The following TEX14 variants were observed in gnomAD, a reference collection of about 807,000 sequenced individuals.
The protein encoded by TEX14 is inactive serine/threonine-protein kinase TEX14.
A neutral mutation model predicts 178.6 loss-of-function variants in TEX14; 168 were observed. That is an observed-to-expected ratio of 0.94 (90% CI 0.83 to 1.07). The LOEUF is 1.07. Ranked by LOEUF, TEX14 falls within the 50% of genes least tolerant of loss-of-function variation. The probability of loss-of-function intolerance (pLI) is 0.00; values close to 1 mark genes in which losing one functional copy is unlikely to be tolerated. For missense variants in TEX14, 1,730 were observed against 1,753.6 expected (o/e 0.99, Z 0.24); for synonymous variants, 626 against 634.1 (o/e 0.99, Z 0.19).
chr17:58,601,454 G>A (rs143617271), intron 13 of TEX14, among the ~76,000 whole-genome samples: 3,357 of 151,478 alleles, frequency 0.022, 49 homozygotes, highest in South Asian at 0.036. Flanking sequence ...CCCGGGAGGC[G>A]GAGGTTGCAA....
chr17:58,659,273 A>C (rs2047053535), intron 1 of TEX14: 2 of 881,002 alleles, frequency 2.3e-6, no homozygotes, highest in Non-Finnish European at 2.7e-6. Flanking sequence ...CTTTATCAGG[A>C]CCAACAGCGT....
intron 28 of TEX14, among the ~76,000 whole-genome samples, chr17:58,562,391 C>T (rs2044290177): frequency 6.6e-6 from 1 of 152,220 alleles, no homozygotes; most frequent in African/African-American, 2.4e-5. Flanking sequence ...ATTCACAGCA[C>T]TGAGATGACT....
chr17:58,688,148 T>C (rs2047632550), intron 1 of TEX14, among the ~76,000 whole-genome samples: 1 of 152,162 alleles, frequency 6.6e-6, no homozygotes, highest in Non-Finnish European at 1.5e-5. Context: ...GAGACTGAGT[T>C]TTCCTCTTGT....
In TEX14 at chr17:58,569,294, T is replaced by G; in HGVS notation, c.3818-34A>C. On this transcript the variant is annotated intron_variant, in intron 25 of 31. Coordinates refer to ENST00000349033, the MANE Select transcript of TEX14 (RefSeq NM_031272.5). The surrounding 1 kb of genome is among the most constrained non-coding windows in gnomAD (Gnocchi z 4.1). Reference sequence around the variant, plus strand: ...TAAAAAAGACAAAAGGGAAAATGTCTTAACACCCTCCTGGACCTGAACTGA... The same window carrying G: ...TAAAAAAGACAAAAGGGAAAATGTCGTAACACCCTCCTGGACCTGAACTGA... 6.4e-7 allele frequency: 1 copy of G among 1,569,554 alleles called. No homozygotes were observed. The highest frequency in any genetic ancestry group is 8.8e-7 in the Non-Finnish European group (1 of 1,139,934).
intron 1 of TEX14, among the ~76,000 whole-genome samples, chr17:58,658,041 CACAAGAAG>C (rs1381488761): frequency 2.0e-5 from 3 of 152,178 alleles, no homozygotes; most frequent in Non-Finnish European, 4.4e-5. Flanking sequence ...ACTGACTCAG[CACAAGAAG>C]ACAGCTTTGA....
chr17:58,565,782 T>C lies in TEX14; in HGVS notation c.3929A>G (p.Glu1310Gly), dbSNP rs1308394016. The stretch of plus-strand genomic sequence containing the variant: ...GCCTCCTCCATCACTTGCTGTGTTC[T>C]CATGCAACACCGTGGATGAGCCCTG... Reference protein sequence around the residue: ...QQQGSSTVLHENTASDGGGTA... With the variant: ...QQQGSSTVLHGNTASDGGGTA... The change falls in exon 27 of 32, where the codon GAG becomes GGG. Residue 1310 changes from glutamate (E) to glycine (G), a missense_variant. This residue lies in a region of TEX14 where 941 missense variants were observed against 1,072.4 expected (regional missense o/e 0.88). Coordinates refer to ENST00000349033, the MANE Select transcript of TEX14 (RefSeq NM_031272.5). 1 of 1,610,450 alleles carries C rather than the reference T, an allele frequency of 6.2e-7. No individual in the cohort carries two copies. Among genetic ancestry groups the C allele is most frequent in the South Asian group, 1.1e-5 (1 of 89,810 alleles).
At chr17:58,662,390 T>C (rs1277347452) in intron 1 of TEX14, among the ~76,000 whole-genome samples, 1 of 148,982 alleles carries the variant, frequency 6.7e-6, no homozygotes, top group Non-Finnish European at 1.5e-5. Flanking sequence ...ATATTATGTG[T>C]GTACAGATAT....
intron 3 of TEX14, among the ~76,000 whole-genome samples, chr17:58,629,456 GAAAAAAAA>G (rs969535540): frequency 1.3e-5 from 1 of 79,790 alleles, no homozygotes; most frequent in Non-Finnish European, 2.6e-5. Context: ...CATGTGTCAG[GAAAAAAAA>G]AAAAAAAAAA....
intron 13 of TEX14, among the ~76,000 whole-genome samples, chr17:58,600,777 T>C (rs888129698): frequency 1.3e-5 from 2 of 151,938 alleles, no homozygotes; most frequent in African/African-American, 4.8e-5. Flanking sequence ...GAGTGAATGG[T>C]CATTTGGCTG....
intron 21 of TEX14, 44 bp downstream of exon 21, chr17:58,577,331 G>T: frequency 1.3e-6 from 1 of 767,258 alleles, no homozygotes. Flanking sequence ...ATTTAACATT[G>T]CATCTATGAG....
chr17:58,621,635 C>A lies in TEX14; in HGVS notation c.554+15G>T. 6.2e-7 allele frequency: 1 copy of A among 1,607,144 alleles called. No individual in the cohort carries two copies. Among genetic ancestry groups the A allele is most frequent in the South Asian group, 1.1e-5 (1 of 90,296 alleles). Reference sequence around the variant, plus strand: ...GTGATGGAGACTATCCCACTCTGCTCAAGGCAGTACTCACCCCTGCACGAG... The same window carrying A: ...GTGATGGAGACTATCCCACTCTGCTAAAGGCAGTACTCACCCCTGCACGAG... On this transcript the variant is annotated intron_variant, in intron 5 of 31. Coordinates refer to ENST00000349033, the MANE Select transcript of TEX14 (RefSeq NM_031272.5).
chr17:58,578,147 C>CAGGT (rs2044724366), intron 20 of TEX14, among the ~76,000 whole-genome samples: 1 of 152,080 alleles, frequency 6.6e-6, no homozygotes, highest in South Asian at 2.1e-4. Flanking sequence ...TCCTTAGGTC[C>CAGGT]AGGTGGTCTG....
chr17:58,662,097 G>A (rs1254968860), intron 1 of TEX14, among the ~76,000 whole-genome samples: 3 of 151,528 alleles, frequency 2.0e-5, no homozygotes. Context: ...TATGTATGAT[G>A]TAAAAAGTAC....
At chr17:58,674,173 G>A (rs1052698808) in intron 1 of TEX14, among the ~76,000 whole-genome samples, 2 of 151,898 alleles carry the variant, frequency 1.3e-5, no homozygotes, top group African/African-American at 2.4e-5. Flanking sequence ...CTACTCGGGA[G>A]GCTAAGGCAG....
intron 1 of TEX14, among the ~76,000 whole-genome samples, chr17:58,668,788 C>T (rs1035466783): frequency 1.3e-5 from 2 of 152,208 alleles, no homozygotes; most frequent in African/African-American, 4.8e-5. Flanking sequence ...AACTGCTATG[C>T]GAGGTAACTG....
Position 58,678,856 on chromosome 17 carries a change from A to AATAATAATAAT in TEX14, c.-2+13082_-2+13083insATTATTATTAT, listed in dbSNP as rs1567773275. On this transcript the variant is annotated intron_variant, in intron 1 of 31. Transcript: ENST00000349033. ...ATAATAATAATAATAATAATAATAAAAGAGAAGGACACTGGAGCCAGGCGC... is the reference window on the plus strand; with the variant it reads ...ATAATAATAATAATAATAATAATAAAATAATAATAATAGAGAAGGACACTGGAGCCAGGCGC... Among the ~76,000 whole-genome samples the AATAATAATAAT allele has an allele frequency of 1.6e-4, 11 of 68,178 alleles. No individual in the cohort carries two copies. In the East Asian group the frequency reaches 5.3e-3, roughly 33 times the overall value. 44.7% of individuals were successfully genotyped at this position (68,178 alleles called of 152,430 possible).
rs1165623360 is a variant in TEX14 at position 58,655,761 on chromosome 17, C to G, written c.-1-3759G>C. On this transcript the variant is annotated intron_variant, in intron 1 of 31. Coordinates refer to ENST00000349033, the MANE Select transcript of TEX14 (RefSeq NM_031272.5). ...ACGAGCCCTCCTTTAAGCCAGGGGC[C>G]ATGTCTGGCACCTCCCTTGTAGGCA... Among the ~76,000 whole-genome samples, 3 of 152,256 alleles carry G rather than the reference C, an allele frequency of 2.0e-5. No individual in the cohort carries two copies. The South Asian group carries it at 6.2e-4, about 32-fold the overall frequency.
At chr17:58,608,041 G>C (rs1185200171) in intron 10 of TEX14, among the ~76,000 whole-genome samples, 3 of 152,190 alleles carry the variant, frequency 2.0e-5, no homozygotes, top group African/African-American at 7.2e-5. Flanking sequence ...CAAGCACTTT[G>C]GGAGGCCAGG....
At chr17:58,613,378 C>A in intron 9 of TEX14, 43 bp downstream of exon 9, 2 of 1,612,278 alleles carry the variant, frequency 1.2e-6, no homozygotes, top group Non-Finnish European at 1.7e-6. Context: ...AGGGAAGAAA[C>A]TGGGAGGTCA....
Sources: allele counts gnomAD v4.1 joint callset (sites outside exome capture counted in the v4.1 genomes callset), GRCh38; gene constraint gnomAD v4.1.1; regional missense constraint gnomAD v4.1.1; non-coding constraint Gnocchi (gnomAD v3.1); transcripts MANE v1.5; gene names NCBI Gene and HGNC (gene_info 2026-07-23, HGNC 2026-07-21).